FOXP2: variants seen among roughly 807,000 people sequenced by gnomAD.
FOXP2 encodes forkhead box P2.
FOXP2 carries 12 observed loss-of-function variants against 115.8 expected under a neutral mutation model. The ratio of observed to expected loss-of-function variants is 0.10; its 90% confidence interval spans 0.07 to 0.17. The LOEUF (loss-of-function observed/expected upper bound fraction) is 0.17, where lower values mean the gene tolerates loss of function less well. FOXP2 is among the 10% of genes least tolerant of loss of function. The pLI, the probability that FOXP2 is intolerant of heterozygous loss-of-function variation, is 1.00. For synonymous variants in FOXP2, 328 were observed against 297.7 expected, an observed-to-expected ratio of 1.10 and a Z score of -1.05; for missense variants, 629 against 843.5, an observed-to-expected ratio of 0.75 and a Z score of 3.15.
chr7:114,539,861 G>C (rs762422240), intron 3 of FOXP2, among the ~76,000 whole-genome samples: 42 of 152,142 alleles, frequency 2.8e-4, no homozygotes, highest in Non-Finnish European at 4.1e-4. Flanking sequence ...AGAACCATGT[G>C]TTTCAGATCT....
chr7:114,467,651 A>C (rs567301076), intron 2 of FOXP2, among the ~76,000 whole-genome samples: 1 of 152,336 alleles, frequency 6.6e-6, no homozygotes, highest in African/African-American at 2.4e-5. Flanking sequence ...GTCACATCGC[A>C]TACCCTATTA....
At chr7:114,229,163 A>G (rs767571169) in intron 1 of FOXP2, among the ~76,000 whole-genome samples, 7 of 151,220 alleles carry the variant, frequency 4.6e-5, no homozygotes, top group Non-Finnish European at 7.4e-5. Context: ...GAAACTTTAT[A>G]TAATGATAAA....
At chr7:114,219,203 A>G (rs1794558488) in intron 1 of FOXP2, among the ~76,000 whole-genome samples, 1 of 152,112 alleles carries the variant, frequency 6.6e-6, no homozygotes, top group Admixed American at 6.5e-5. Context: ...CAAATACAAA[A>G]GATTATATAA....
At chr7:114,190,865 A>G (rs1793740444) in intron 1 of FOXP2, among the ~76,000 whole-genome samples, 1 of 152,124 alleles carries the variant, frequency 6.6e-6, no homozygotes, top group African/African-American at 2.4e-5. Flanking sequence ...TTGTAAAATG[A>G]TTTTCTGCTT....
intron 2 of FOXP2, among the ~76,000 whole-genome samples, chr7:114,312,390 T>G (rs575571542): frequency 3.3e-5 from 5 of 152,280 alleles, no homozygotes; most frequent in Non-Finnish European, 7.4e-5. Flanking sequence ...CTCCCATTCA[T>G]TAGTCCTTAT....
chr7:114,544,677 C>T (rs1362555476), intron 3 of FOXP2, among the ~76,000 whole-genome samples: 1 of 152,178 alleles, frequency 6.6e-6, no homozygotes, highest in East Asian at 1.9e-4. Context: ...CACAGAAAGA[C>T]TGTAGCAAAT....
intron 2 of FOXP2, among the ~76,000 whole-genome samples, chr7:114,383,216 G>T (rs182893507): frequency 9.9e-5 from 15 of 152,230 alleles, no homozygotes; most frequent in Admixed American, 2.0e-4. Flanking sequence ...CATCAATATA[G>T]CCATCAGGGT....
At chr7:114,413,483 A>T (rs941664840), upstream of FOXP2, among the ~76,000 whole-genome samples, 2 of 152,160 alleles carry the variant, frequency 1.3e-5, no homozygotes, top group Non-Finnish European at 2.9e-5. Context: ...GTTTAAAAAA[A>T]AACCAATATA....
intron 2 of FOXP2, among the ~76,000 whole-genome samples, chr7:114,441,022 C>T (rs1431428725): frequency 6.6e-6 from 1 of 152,126 alleles, no homozygotes; most frequent in African/African-American, 2.4e-5. Flanking sequence ...CAGGCTTGGG[C>T]AGATTACTGC....
At chr7:114,144,826 C>G (rs1792322990) in intron 1 of FOXP2, among the ~76,000 whole-genome samples, 1 of 152,026 alleles carries the variant, frequency 6.6e-6, no homozygotes, top group African/African-American at 2.4e-5. Context: ...TTGAGTACAA[C>G]AGTAACATGA....
At chr7:114,218,145 T>G (rs944206678) in intron 1 of FOXP2, among the ~76,000 whole-genome samples, 4 of 152,172 alleles carry the variant, frequency 2.6e-5, no homozygotes, top group Admixed American at 6.5e-5. Flanking sequence ...CTCATAAACA[T>G]TGGCTGAAAT....
At chr7:114,430,737 G>A (rs1794068430) in intron 2 of FOXP2, among the ~76,000 whole-genome samples, 1 of 151,874 alleles carries the variant, frequency 6.6e-6, no homozygotes, top group African/African-American at 2.4e-5. Context: ...CTGTGAACAT[G>A]TGCTCAGTCT....
At chr7:114,367,657 AC>A (rs1271017471) in intron 2 of FOXP2, among the ~76,000 whole-genome samples, 5 of 152,042 alleles carry the variant, frequency 3.3e-5, no homozygotes, top group Non-Finnish European at 5.9e-5. Context: ...TTTCCCCTGA[AC>A]CCTAAGTCTA....
At chr7:114,388,336 A>G (rs907143724) in intron 2 of FOXP2, among the ~76,000 whole-genome samples, 1 of 152,066 alleles carries the variant, frequency 6.6e-6, no homozygotes, top group South Asian at 2.1e-4. Context: ...AAAATGGTCT[A>G]AAATGGCAGT....
intron 2 of FOXP2, among the ~76,000 whole-genome samples, chr7:114,333,514 A>C (rs1797765399): frequency 6.6e-6 from 1 of 152,250 alleles, no homozygotes; most frequent in Non-Finnish European, 1.5e-5. Flanking sequence ...GCACATCGGA[A>C]GGCCGAGGCG....
At chr7:114,594,167 G>C (rs1449430105) in intron 3 of FOXP2, among the ~76,000 whole-genome samples, 1 of 151,934 alleles carries the variant, frequency 6.6e-6, no homozygotes, top group African/African-American at 2.4e-5. Context: ...TAATCCATTT[G>C]ATTATGATAC....
intron 3 of FOXP2, among the ~76,000 whole-genome samples, chr7:114,590,991 A>T (rs1295713426): frequency 6.6e-6 from 1 of 152,132 alleles, no homozygotes; most frequent in East Asian, 1.9e-4. Flanking sequence ...TTCTTCCAAA[A>T]TTGTTTACAA....
At chr7:114,219,061 C>T (rs1794555209) in intron 1 of FOXP2, among the ~76,000 whole-genome samples, 1 of 152,122 alleles carries the variant, frequency 6.6e-6, no homozygotes. Flanking sequence ...TTCAGCATTG[C>T]AACTGAACCC....
intron 1 of FOXP2, among the ~76,000 whole-genome samples, chr7:114,170,848 G>A (rs1222384867): frequency 6.6e-6 from 1 of 152,246 alleles, no homozygotes; most frequent in Non-Finnish European, 1.5e-5. Context: ...AGCACATGCT[G>A]ATATAGAAGC....
Sources: gnomAD v4.1 joint callset for allele counts (sites outside exome capture counted in the v4.1 genomes callset) on GRCh38, gnomAD v4.1.1 for gene constraint, MANE v1.5 for transcripts, NCBI Gene and HGNC (gene_info 2026-07-23, HGNC 2026-07-21) for gene names.